FBXO11: variants seen among roughly 807,000 people sequenced by gnomAD.
The protein encoded by FBXO11 is F-box only protein 11.
In FBXO11, 13 loss-of-function variants were observed where a neutral mutation model predicts 117.0. That is an observed-to-expected ratio of 0.11 (90% CI 0.07 to 0.18). FBXO11 has a LOEUF of 0.18. Among genes scored for constraint, FBXO11 ranks in the 10% least tolerant of loss-of-function variants. The probability of loss-of-function intolerance (pLI) is 1.00; values close to 1 mark genes in which losing one functional copy is unlikely to be tolerated. For synonymous variants in FBXO11, 490 were observed against 380.5 expected, an observed-to-expected ratio of 1.29 and a Z score of -3.35; for missense variants, 767 against 1,164.4, an observed-to-expected ratio of 0.66 and a Z score of 4.97.
intron 1 of FBXO11, among the ~76,000 whole-genome samples, chr2:47,900,603 T>A (rs557228771): frequency 9.1e-6 from 1 of 110,206 alleles, no homozygotes; most frequent in African/African-American, 4.0e-5. Context: ...TATACACACG[T>A]ATACACACGT....
At chr2:47,870,650 T>C (rs539954877) in intron 1 of FBXO11, among the ~76,000 whole-genome samples, 2 of 152,246 alleles carry the variant, frequency 1.3e-5, no homozygotes, top group African/African-American at 2.4e-5. Context: ...CAAAGAATCA[T>C]GGTGCTGCTG....
At chr2:47,853,165 G>C (rs1674007974) in intron 1 of FBXO11, among the ~76,000 whole-genome samples, 1 of 151,366 alleles carries the variant, frequency 6.6e-6, no homozygotes, top group Admixed American at 6.6e-5. Flanking sequence ...TCCGCCTCCT[G>C]AGTTCAAGCC....
At chr2:47,877,568 T>C (rs1401661821) in intron 1 of FBXO11, among the ~76,000 whole-genome samples, 3 of 152,228 alleles carry the variant, frequency 2.0e-5, no homozygotes, top group South Asian at 4.1e-4. Flanking sequence ...GGCAGGTTCA[T>C]TGTAACTCTA....
rs544080231 is a variant in FBXO11 at position 47,845,261 on chromosome 2, T to G, written c.233-5492A>C. Among the ~76,000 whole-genome samples the G allele has an allele frequency of 2.0e-5, 3 of 151,906 alleles. No homozygotes were observed. In the South Asian group the frequency reaches 6.3e-4, roughly 32 times the overall value. ...AAAGAGAAGGTGCTAATTAATTCAT[T>G]TGCATCCTAAAATGTACAGCAAATA... On this transcript the variant is annotated intron_variant, in intron 1 of 22. Coordinates refer to ENST00000403359, the MANE Select transcript of FBXO11 (RefSeq NM_001190274.2).
intron 1 of FBXO11, among the ~76,000 whole-genome samples, chr2:47,858,585 G>A (rs1012280905): frequency 6.7e-6 from 1 of 149,570 alleles, no homozygotes. Context: ...AGGAGGCTGA[G>A]GCAGGAGAAT....
intron 1 of FBXO11, 141 bp from the exon 2 acceptor site, chr2:47,839,910 T>A (rs991755020): frequency 2.4e-5 from 16 of 654,002 alleles, no homozygotes; most frequent in Admixed American, 1.6e-4. Flanking sequence ...TGGATAGCTA[T>A]ATGAAAGAAA....
intron 3 of FBXO11, 73 bp downstream of exon 3, chr2:47,839,346 T>C: frequency 7.2e-7 from 1 of 1,387,924 alleles, no homozygotes; most frequent in African/African-American, 1.5e-5. Flanking sequence ...TACACTTAAT[T>C]TTCATTTTTT....
intron 1 of FBXO11, among the ~76,000 whole-genome samples, chr2:47,898,768 C>G (rs910023049): frequency 2.0e-5 from 3 of 152,150 alleles, no homozygotes; most frequent in African/African-American, 7.2e-5. Context: ...GGGGACAGAT[C>G]TGCTTCAAGG....
At chr2:47,812,398 C>A (rs192132276) in intron 18 of FBXO11, among the ~76,000 whole-genome samples, 1 of 152,196 alleles carries the variant, frequency 6.6e-6, no homozygotes, top group African/African-American at 2.4e-5. Flanking sequence ...TTTCAAAACA[C>A]GGCTCAAAAG....
intron 1 of FBXO11, among the ~76,000 whole-genome samples, chr2:47,852,821 T>C (rs367648468): frequency 6.6e-6 from 1 of 152,144 alleles, no homozygotes; most frequent in African/African-American, 2.4e-5. Flanking sequence ...AAGGGACATA[T>C]TATTATTCCT....
At chr2:47,864,252 T>C (rs1270645939) in intron 1 of FBXO11, among the ~76,000 whole-genome samples, 1 of 152,118 alleles carries the variant, frequency 6.6e-6, no homozygotes, top group Non-Finnish European at 1.5e-5. Flanking sequence ...AGAAAACATA[T>C]AATGAAAGAG....
At chr2:47,854,784 C>A (rs1340352442) in intron 1 of FBXO11, among the ~76,000 whole-genome samples, 2 of 151,574 alleles carry the variant, frequency 1.3e-5, no homozygotes, top group East Asian at 3.9e-4. Flanking sequence ...CAGGATCACG[C>A]TTTGAGAACC....
At chr2:47,843,800 G>A (rs1467043075) in intron 1 of FBXO11, among the ~76,000 whole-genome samples, 1 of 151,984 alleles carries the variant, frequency 6.6e-6, no homozygotes, top group Non-Finnish European at 1.5e-5. Flanking sequence ...GAGTGCAATG[G>A]CGTGATCTCG....
intron 1 of FBXO11, among the ~76,000 whole-genome samples, chr2:47,865,110 G>A (rs995589393): frequency 1.3e-5 from 2 of 152,180 alleles, no homozygotes; most frequent in Admixed American, 1.3e-4. Flanking sequence ...ACAGTGTCTG[G>A]CAGGTAATAA....
chr2:47,852,321 A>G (rs552391970), intron 1 of FBXO11, among the ~76,000 whole-genome samples: 25 of 152,188 alleles, frequency 1.6e-4, no homozygotes, highest in African/African-American at 5.8e-4. Flanking sequence ...AGAAAAACGG[A>G]CCTCACCAGA....
At chr2:47,814,849 G>C (rs1167774925) in intron 16 of FBXO11, among the ~76,000 whole-genome samples, 1 of 152,106 alleles carries the variant, frequency 6.6e-6, no homozygotes. Flanking sequence ...TTTATTAACA[G>C]GCTTATGTAA....
intron 1 of FBXO11, among the ~76,000 whole-genome samples, chr2:47,878,113 T>C (rs1232088147): frequency 6.6e-6 from 1 of 152,216 alleles, no homozygotes; most frequent in Non-Finnish European, 1.5e-5. Flanking sequence ...ACCTGCAATT[T>C]ATATAAGCCA....
chr2:47,837,933 T>A (rs1381110317), intron 4 of FBXO11, among the ~76,000 whole-genome samples: 1 of 151,824 alleles, frequency 6.6e-6, no homozygotes, highest in East Asian at 1.9e-4. Flanking sequence ...TTTCATCTTA[T>A]TAAAAACCTG....
chr2:47,893,044 A>T (rs542625517), intron 1 of FBXO11, among the ~76,000 whole-genome samples: 1 of 152,100 alleles, frequency 6.6e-6, no homozygotes, highest in Non-Finnish European at 1.5e-5. Context: ...AATCCCAGCT[A>T]ATCCGGAGGC....
Sources: allele counts gnomAD v4.1 joint callset (sites outside exome capture counted in the v4.1 genomes callset), GRCh38; gene constraint gnomAD v4.1.1; transcripts MANE v1.5; gene names NCBI Gene and HGNC (gene_info 2026-07-23, HGNC 2026-07-21).